Variants in SVEP1 observed in about 807,000 individuals in gnomAD.
SVEP1 encodes sushi, von Willebrand factor type A, EGF and pentraxin domain-containing protein 1.
SVEP1 carries 164 observed loss-of-function variants against 367.3 expected under a neutral mutation model. That is an observed-to-expected ratio of 0.45 (90% CI 0.39 to 0.51). The LOEUF is 0.51. Ranked by LOEUF, SVEP1 falls within the 20% of genes least tolerant of loss-of-function variation. SVEP1 has a pLI of 0.00. For synonymous variants in SVEP1, 1,666 were observed against 1,611.6 expected (o/e 1.03, Z -0.81); for missense variants, 4,117 against 4,425.3 (o/e 0.93, Z 1.98).
chr9:110,549,329 T>C (rs1232911785), intron 2 of SVEP1, among the ~76,000 whole-genome samples: 2 of 152,216 alleles, frequency 1.3e-5, no homozygotes, highest in African/African-American at 4.8e-5. Flanking sequence ...CATTTGCTGA[T>C]TTCCTTCCCT....
At chr9:110,374,196 G>A (rs893400631) in intron 46 of SVEP1, among the ~76,000 whole-genome samples, 4 of 152,008 alleles carry the variant, frequency 2.6e-5, no homozygotes, top group East Asian at 1.9e-4. Context: ...TTGTTCCTAC[G>A]TGTTTACGTG....
chr9:110,430,542 C>A, intron 32 of SVEP1, 92 bp from the exon 33 acceptor site: 3 of 1,368,276 alleles, frequency 2.2e-6, no homozygotes, highest in Non-Finnish European at 2.9e-6. Flanking sequence ...AGTTAAGAAA[C>A]CTGTTAAAAT....
At chr9:110,394,112 G>A (rs921505120) in intron 40 of SVEP1, among the ~76,000 whole-genome samples, 11 of 152,216 alleles carry the variant, frequency 7.2e-5, no homozygotes, top group East Asian at 1.9e-4. Flanking sequence ...CCCCCCAGTA[G>A]GGGCGGACTG....
At chr9:110,465,046 CT>C (rs200928096) in intron 18 of SVEP1, among the ~76,000 whole-genome samples, 21 of 151,452 alleles carry the variant, frequency 1.4e-4, no homozygotes, top group Non-Finnish European at 2.2e-4. Flanking sequence ...GAACTCTAAT[CT>C]TTTTTTTTCT....
chr9:110,522,286 GA>G (rs899935049), intron 3 of SVEP1, among the ~76,000 whole-genome samples: 7 of 152,114 alleles, frequency 4.6e-5, no homozygotes, highest in Non-Finnish European at 7.4e-5. Context: ...CCTTCTGGGA[GA>G]AAACTCCATC....
At chr9:110,574,815 G>C (rs1379927014) in intron 1 of SVEP1, among the ~76,000 whole-genome samples, 20 of 138,908 alleles carry the variant, frequency 1.4e-4, no homozygotes. Flanking sequence ...GTGTGGCCTC[G>C]GCTCACGGCA....
intron 36 of SVEP1, among the ~76,000 whole-genome samples, chr9:110,416,231 T>C (rs572687365): frequency 1.3e-5 from 2 of 151,612 alleles, no homozygotes; most frequent in South Asian, 4.2e-4. Context: ...GAAAAAAAGC[T>C]CTAAAATATA....
At chr9:110,528,156 G>GTGTATATATATATATATATA in intron 3 of SVEP1, among the ~76,000 whole-genome samples, 7 of 33,948 alleles carry the variant, frequency 2.1e-4, no homozygotes, top group Non-Finnish European at 2.9e-4. Context: ...GTGTGTGTGT[G>GTGTATATATATATATATATA]TATATATATA....
intron 34 of SVEP1, among the ~76,000 whole-genome samples, chr9:110,429,639 C>T (rs1328705021): frequency 6.6e-6 from 1 of 151,998 alleles, no homozygotes; most frequent in Non-Finnish European, 1.5e-5. Flanking sequence ...TCTGAGACAT[C>T]AAGAGTATTC....
At chr9:110,445,334 TA>T (rs796619853) in intron 26 of SVEP1, among the ~76,000 whole-genome samples, 1 of 152,018 alleles carries the variant, frequency 6.6e-6, no homozygotes, top group East Asian at 1.9e-4. Flanking sequence ...TAGTGGATTC[TA>T]AAAAAAATAT....
chr9:110,415,624 C>A (rs1416269500), intron 36 of SVEP1, among the ~76,000 whole-genome samples: 1 of 151,894 alleles, frequency 6.6e-6, no homozygotes, highest in East Asian at 1.9e-4. Flanking sequence ...CCAATCAACT[C>A]CTTGGGGAAA....
rs1162359410 is a variant in SVEP1, at chr9:110,479,767, T to A, written c.2366-11A>T. 1 of 1,596,374 alleles carries A rather than the reference T, an allele frequency of 6.3e-7. No homozygotes were observed. Among genetic ancestry groups the A allele is most frequent in the Admixed American group, 1.8e-5 (1 of 55,262 alleles). Reference sequence around the variant, plus strand: ...TTGCAAAACGTTTTTCTAGAAAATGTTGGACAAAACAGCTTCAGTTGGTTA... The same window carrying A: ...TTGCAAAACGTTTTTCTAGAAAATGATGGACAAAACAGCTTCAGTTGGTTA... On this transcript the variant is annotated splice_polypyrimidine_tract_variant and intron_variant, in intron 12 of 47. Coordinates refer to ENST00000374469, the MANE Select transcript of SVEP1 (RefSeq NM_153366.4).
rs781035578 is a variant in SVEP1 at position 110,406,604 on chromosome 9, G to A, written c.8996C>T (p.Ser2999Leu). Residue 2999 changes from serine (S) to leucine (L), a missense_variant, in exon 38 of 48, where the codon TCA becomes TTA. Around this residue, in one of 4 missense-constraint regions of SVEP1, gnomAD observed 1,765 missense variants for 1,781.1 expected, o/e 0.99. Coordinates refer to ENST00000374469, the MANE Select transcript of SVEP1 (RefSeq NM_153366.4). ...CLSNGSWSGS[S>L]PSCLPCRCST... ...ACATCTGCAAGGCAGGCAGGAAGGT[G>A]AGCTGCCACTCCAGGAGCCATTGGA... 11 of 1,613,746 alleles carry A rather than the reference G, an allele frequency of 6.8e-6. No individual in the cohort carries two copies. In the East Asian group the frequency reaches 2.5e-4, roughly 36 times the overall value.
chr9:110,430,436 T>C lies in SVEP1; in HGVS notation c.5368A>G (p.Lys1790Glu), dbSNP rs754779156. 6.2e-7 allele frequency: 1 copy of C among 1,610,888 alleles called. No homozygotes were observed. The highest frequency in any genetic ancestry group is 1.3e-5 in the African/African-American group (1 of 74,860). ...GKNCAEPIKC[K>E]APGNPENGHS... ...CCATTTTCCGGATTTCCTGGAGCCT[T>C]ACATTTTATAGGTTCTAGAAACAGA... The change falls in exon 33 of 48, where the codon AAG (lysine) becomes GAG (glutamate). Residue 1790 changes from lysine to glutamate, a missense_variant. Around this residue, in one of 4 missense-constraint regions of SVEP1, gnomAD observed 2,174 missense variants for 2,494.3 expected, o/e 0.87. Coordinates refer to ENST00000374469, the MANE Select transcript of SVEP1 (RefSeq NM_153366.4).
intron 1 of SVEP1, among the ~76,000 whole-genome samples, chr9:110,564,988 T>C (rs1830472604): frequency 6.6e-6 from 1 of 152,126 alleles, no homozygotes; most frequent in African/African-American, 2.4e-5. Flanking sequence ...GCACTGGACA[T>C]ATAAATGAAT....
intron 29 of SVEP1, among the ~76,000 whole-genome samples, 167 bp from the exon 30 acceptor site, chr9:110,434,673 A>AAAAAAAAAAAAAAAAAAAAAAAAC (rs1564141863): frequency 6.7e-6 from 1 of 149,168 alleles, no homozygotes; most frequent in Non-Finnish European, 1.5e-5. Flanking sequence ...CACTAAAAAA[A>AAAAAAAAAAAAAAAAAAAAAAAAC]AAAAAAAAAA....
At chr9:110,428,457 T>C (rs1418647356) in intron 35 of SVEP1, among the ~76,000 whole-genome samples, 1 of 148,200 alleles carries the variant, frequency 6.7e-6, no homozygotes, top group Non-Finnish European at 1.5e-5. Flanking sequence ...GTTAAGAACC[T>C]AGCCCCTTAT....
At position 110,404,441 on chromosome 9, in the gene SVEP1, C is replaced by T. The variant is rs757978292; in HGVS notation, c.9552G>A (p.Pro3184=). The change falls in exon 39 of 48, where the codon CCG becomes CCA. Residue 3184 remains proline (P), a synonymous_variant. Transcript: ENST00000374469. ...GTACAAGTATATGTGTTATGTTTTC[C>T]GGGAGAGGACATTTTTTAGGACTGC... ...ISCSPKKCPL[P]ENITHILVHG... 104 of 1,613,924 alleles carry T rather than the reference C, an allele frequency of 6.4e-5. No individual in the cohort carries two copies. Among genetic ancestry groups the T allele is most frequent in the Non-Finnish European group, 7.5e-5 (89 of 1,179,876 alleles).
intron 25 of SVEP1, 125 bp from the exon 26 acceptor site, chr9:110,446,163 A>T (rs1828594848): frequency 3.8e-6 from 3 of 786,540 alleles, no homozygotes; most frequent in Non-Finnish European, 6.0e-6. Flanking sequence ...AAGCAGTTTC[A>T]AAATTAAATA....
Sources: gnomAD v4.1 joint callset for allele counts (sites outside exome capture counted in the v4.1 genomes callset) on GRCh38, gnomAD v4.1.1 for gene constraint, gnomAD v4.1.1 regional missense constraint, MANE v1.5 for transcripts, NCBI Gene and HGNC (gene_info 2026-07-23, HGNC 2026-07-21) for gene names.